The following HMGN3 variants were observed in gnomAD, a reference collection of about 807,000 sequenced individuals.
HMGN3 encodes the protein high mobility group nucleosomal binding domain 3.
A neutral mutation model predicts 18.8 loss-of-function variants in HMGN3; 6 were observed. That is an observed-to-expected ratio of 0.32 (90% CI 0.18 to 0.63). The LOEUF (loss-of-function observed/expected upper bound fraction) is 0.63. HMGN3 is among the 30% of genes least tolerant of loss of function. HMGN3 has a pLI of 0.79. For synonymous variants in HMGN3, 40 were observed against 36.5 expected, an observed-to-expected ratio of 1.10 and a Z score of -0.35; for missense variants, 107 against 114.2, an observed-to-expected ratio of 0.94 and a Z score of 0.29.
At chr6:79,214,204 C>CTT (rs147294632) in intron 2 of HMGN3, among the ~76,000 whole-genome samples, 157 of 135,826 alleles carry the variant, frequency 1.2e-3, no homozygotes, top group African/African-American at 3.9e-3. Context: ...AGTTCTTTTT[C>CTT]TTTTTTTTTT....
chr6:79,212,043 T>TAAAA (rs369391899), intron 2 of HMGN3, among the ~76,000 whole-genome samples: 4 of 143,762 alleles, frequency 2.8e-5, no homozygotes, highest in African/African-American at 2.6e-5. Flanking sequence ...CTTTTAATTC[T>TAAAA]AAAAAAAAAA....
chr6:79,227,303 G>C (rs748204660), intron 1 of HMGN3, among the ~76,000 whole-genome samples: 12 of 152,176 alleles, frequency 7.9e-5, no homozygotes, highest in Middle Eastern at 6.8e-3. Flanking sequence ...AAATGCACAA[G>C]ATTAAAGCTT....
chr6:79,204,092 C>T (rs1480262225), intron 3 of HMGN3, among the ~76,000 whole-genome samples: 1 of 152,196 alleles, frequency 6.6e-6, no homozygotes, highest in Admixed American at 6.5e-5. Context: ...TGAAGTATTT[C>T]AAAATCACTT....
chr6:79,208,859 A>T (rs1309224871), intron 2 of HMGN3, among the ~76,000 whole-genome samples: 3 of 152,224 alleles, frequency 2.0e-5, no homozygotes, highest in African/African-American at 7.2e-5. Context: ...AGATCAACTT[A>T]GGCTTTATCC....
At chr6:79,202,185 G>C in intron 5 of HMGN3, 30 bp from the exon 6 acceptor site, 1 of 1,606,370 alleles carries the variant, frequency 6.2e-7, no homozygotes, top group Middle Eastern at 1.7e-4. Flanking sequence ...AATAAAAAGA[G>C]ACATTAAGAA....
intron 1 of HMGN3, chr6:79,234,145 C>T (rs181845036): frequency 8.9e-4 from 154 of 173,862 alleles, no homozygotes; most frequent in Middle Eastern, 4.6e-3. Flanking sequence ...ATTTTCTTCC[C>T]TCTCCTTACG....
At chr6:79,232,455 A>G (rs1436467887) in intron 1 of HMGN3, among the ~76,000 whole-genome samples, 1 of 152,168 alleles carries the variant, frequency 6.6e-6, no homozygotes, top group Non-Finnish European at 1.5e-5. Context: ...CCATCACCGG[A>G]GAACACTCTG....
chr6:79,202,115 C>G (rs754110344), intron 5 of HMGN3: 165 of 1,544,078 alleles, frequency 1.1e-4, no homozygotes, highest in Non-Finnish European at 1.4e-4. Context: ...TGGGGTGCCT[C>G]TGGAGGTTGA....
chr6:79,222,733 C>G (rs779644126), intron 1 of HMGN3, among the ~76,000 whole-genome samples: 4 of 152,110 alleles, frequency 2.6e-5, no homozygotes, highest in Admixed American at 6.6e-5. Flanking sequence ...ATCAAACTTA[C>G]GTTAAATTTA....
intron 1 of HMGN3, among the ~76,000 whole-genome samples, chr6:79,220,678 C>T (rs1421465591): frequency 6.6e-6 from 1 of 152,130 alleles, no homozygotes; most frequent in Non-Finnish European, 1.5e-5. Flanking sequence ...AACTCCTGAC[C>T]TCAGGTGATC....
intron 3 of HMGN3, among the ~76,000 whole-genome samples, chr6:79,204,273 C>T (rs2127811914): frequency 6.6e-6 from 1 of 152,316 alleles, no homozygotes; most frequent in Non-Finnish European, 1.5e-5. Context: ...GATAAAATGT[C>T]TACTGTTAGC....
chr6:79,215,260 A>T (rs1776914740), intron 1 of HMGN3, among the ~76,000 whole-genome samples: 1 of 152,236 alleles, frequency 6.6e-6, no homozygotes, highest in Non-Finnish European at 1.5e-5. Flanking sequence ...GAACTATGTG[A>T]TTCCCTGTTC....
chr6:79,214,237 TG>T (rs1776846282), intron 2 of HMGN3, among the ~76,000 whole-genome samples: 1 of 151,462 alleles, frequency 6.6e-6, no homozygotes, highest in Non-Finnish European at 1.5e-5. Context: ...TCTCTCGCTC[TG>T]TCACCCAGGC....
intron 3 of HMGN3, among the ~76,000 whole-genome samples, chr6:79,205,319 C>T (rs1202715552): frequency 2.0e-5 from 3 of 152,180 alleles, no homozygotes; most frequent in Admixed American, 2.0e-4. Flanking sequence ...ATTGTAACTC[C>T]TACAACTCCC....
intron 1 of HMGN3, among the ~76,000 whole-genome samples, chr6:79,224,533 G>A (rs1358511879): frequency 2.0e-5 from 3 of 152,146 alleles, no homozygotes; most frequent in African/African-American, 4.8e-5. Flanking sequence ...TCATACGCAC[G>A]GATCTGGTTG....
At chr6:79,229,890 T>G (rs762906293) in intron 1 of HMGN3, among the ~76,000 whole-genome samples, 1 of 151,448 alleles carries the variant, frequency 6.6e-6, no homozygotes, top group Non-Finnish European at 1.5e-5. Flanking sequence ...AAAAAAAAAA[T>G]GATAAACATA....
intron 4 of HMGN3, among the ~76,000 whole-genome samples, chr6:79,203,293 C>T (rs2127810740): frequency 6.6e-6 from 1 of 152,314 alleles, no homozygotes; most frequent in East Asian, 1.9e-4. Flanking sequence ...CTCATCCCCG[C>T]TGTGTGCCGC....
intron 1 of HMGN3, among the ~76,000 whole-genome samples, chr6:79,218,000 T>C (rs1000175606): frequency 2.0e-5 from 3 of 152,238 alleles, no homozygotes; most frequent in African/African-American, 7.2e-5. Flanking sequence ...CTAATCCAGT[T>C]TGAACCAAGA....
chr6:79,217,051 C>T (rs1777026820), intron 1 of HMGN3, among the ~76,000 whole-genome samples: 3 of 152,164 alleles, frequency 2.0e-5, no homozygotes, highest in Admixed American at 6.5e-5. Context: ...TAAACACCGA[C>T]CTAATAATGT....
Sources: gnomAD v4.1 joint callset for allele counts (sites outside exome capture counted in the v4.1 genomes callset) on GRCh38, gnomAD v4.1.1 for gene constraint, MANE v1.5 for transcripts, NCBI Gene and HGNC (gene_info 2026-07-23, HGNC 2026-07-21) for gene names.